The following CCNT1 variants were observed in gnomAD, a reference collection of about 807,000 sequenced individuals.
CCNT1 encodes the protein cyclin-T1.
CCNT1 carries 18 observed loss-of-function variants against 67.3 expected under a neutral mutation model. The observed-to-expected ratio is 0.27, with a 90% CI of 0.18 to 0.40. The LOEUF (loss-of-function observed/expected upper bound fraction) is 0.40, where lower values mean the gene tolerates loss of function less well. Among genes scored for constraint, CCNT1 ranks in the 10% least tolerant of loss-of-function variants. The pLI is 1.00. For synonymous variants in CCNT1, 333 were observed against 310.3 expected (o/e 1.07, Z -0.77); for missense variants, 744 against 884.9 (o/e 0.84, Z 2.02).
At position 48,716,625 on chromosome 12, in the gene CCNT1, T is replaced by C. The variant is rs1303918383; in HGVS notation, c.51A>G (p.Glu17=). 7 of 1,614,136 alleles carry C rather than the reference T, an allele frequency of 4.3e-6. No homozygotes were observed. Among genetic ancestry groups the C allele is most frequent in the Non-Finnish European group, 5.9e-6 (7 of 1,179,960 alleles). Residue 17 remains glutamate, a synonymous_variant, in exon 1 of 9, where the codon GAA becomes GAG. Coordinates refer to ENST00000261900, the MANE Select transcript of CCNT1 (RefSeq NM_001240.4). ...NNNKRWYFTR[E]QLENSPSRRF... ...GACGGGATGGGCTATTTTCCAGCTG[T>C]TCTCGAGTGAAATACCACCGTTTGT...
chr12:48,707,236 G>A (rs1168864920), intron 2 of CCNT1, among the ~76,000 whole-genome samples: 1 of 151,396 alleles, frequency 6.6e-6, no homozygotes, highest in Non-Finnish European at 1.5e-5. Context: ...ACTAAACTGA[G>A]TAGTTAAATA....
At chr12:48,702,682 G>A (rs1940290639) in intron 3 of CCNT1, among the ~76,000 whole-genome samples, 1 of 152,152 alleles carries the variant, frequency 6.6e-6, no homozygotes, top group African/African-American at 2.4e-5. Flanking sequence ...GTTCCATAGA[G>A]TGAATGCAGG....
chr12:48,700,298 G>A lies in CCNT1; in HGVS notation c.434-458C>T, dbSNP rs139235959. On this transcript the variant is annotated intron_variant, in intron 4 of 8. Coordinates refer to ENST00000261900, the MANE Select transcript of CCNT1 (RefSeq NM_001240.4). Reference sequence around the variant, plus strand: ...TGTGCCACTGCACTCCAGCCTGGGCGACAAAGCAAGACTCCGTCTCAAAAA... The same window carrying A: ...TGTGCCACTGCACTCCAGCCTGGGCAACAAAGCAAGACTCCGTCTCAAAAA... 4.9e-3 allele frequency among the ~76,000 whole-genome samples: 597 copies of A among 122,992 alleles called. 5 individuals carry two copies. The highest frequency in any genetic ancestry group is 6.9e-3 in the Middle Eastern group (1 of 144). 80.7% of individuals were successfully genotyped at this position (122,992 alleles called of 152,430 possible).
intron 3 of CCNT1, among the ~76,000 whole-genome samples, chr12:48,703,656 C>A (rs1434979227): frequency 6.6e-6 from 1 of 151,984 alleles, no homozygotes; most frequent in Non-Finnish European, 1.5e-5. Context: ...TATTTTTCAG[C>A]CAGGTGCAGT....
chr12:48,715,546 C>T (rs777436632), intron 1 of CCNT1, among the ~76,000 whole-genome samples: 2 of 151,932 alleles, frequency 1.3e-5, no homozygotes, highest in African/African-American at 4.8e-5. Flanking sequence ...CTGCAACCTC[C>T]GCCTCCCGGG....
intron 3 of CCNT1, among the ~76,000 whole-genome samples, chr12:48,704,447 G>A (rs759636815): frequency 1.3e-5 from 2 of 152,080 alleles, no homozygotes; most frequent in African/African-American, 2.4e-5. Flanking sequence ...CTCTTTATGA[G>A]AATCTAATGC....
intron 8 of CCNT1, among the ~76,000 whole-genome samples, chr12:48,695,537 G>A (rs941405646): frequency 1.3e-5 from 2 of 152,056 alleles, no homozygotes; most frequent in Admixed American, 6.6e-5. Flanking sequence ...CTGCTCAAAT[G>A]ATCATATCAC....
In CCNT1 at chr12:48,698,169, C is replaced by A; in HGVS notation, c.511G>T (p.Ala171Ser). ...GTTGCCATGAAGTAAGAAGTCTGTG[C>A]TAAGTCCTTGCTTGCTAAAGAAAAA... ...TQLVRASKDL[A>S]QTSYFMATNS... The change falls in exon 6 of 9, where the codon GCA becomes TCA. Residue 171 changes from alanine (A) to serine (S), a missense_variant. By Grantham distance (99) the Ala-to-Ser change is moderately conservative. Coordinates refer to ENST00000261900, the MANE Select transcript of CCNT1 (RefSeq NM_001240.4). 3 of 1,216,270 alleles carry A rather than the reference C, an allele frequency of 2.5e-6. No homozygotes were observed. The highest frequency in any genetic ancestry group is 1.8e-5 in the African/African-American group (1 of 56,888). 75.3% of individuals were successfully genotyped at this position (1,216,270 alleles called of 1,614,324 possible).
chr12:48,712,423 GA>G (rs542995111), intron 2 of CCNT1, among the ~76,000 whole-genome samples: 2,636 of 151,150 alleles, frequency 0.017, 88 homozygotes, highest in African/African-American at 0.061. Flanking sequence ...TTACAGGCAT[GA>G]AACTCCACGC....
chr12:48,704,383 T>C (rs553996744), intron 3 of CCNT1, among the ~76,000 whole-genome samples: 4 of 152,358 alleles, frequency 2.6e-5, no homozygotes, highest in Admixed American at 6.5e-5. Flanking sequence ...TAGATTCTTA[T>C]AGGAGCACTT....
chr12:48,708,354 C>G (rs1268098159), intron 2 of CCNT1, among the ~76,000 whole-genome samples: 3 of 152,064 alleles, frequency 2.0e-5, no homozygotes, highest in African/African-American at 7.2e-5. Flanking sequence ...CAAGAACAGC[C>G]TGGACAACGT....
In CCNT1 at chr12:48,695,839, A is replaced by G; in HGVS notation, c.707-10T>C. The G allele has an allele frequency of 6.2e-7, 1 of 1,601,336 alleles. No individual in the cohort carries two copies. On this transcript the variant is annotated splice_polypyrimidine_tract_variant and intron_variant, in intron 7 of 8. Transcript: ENST00000261900. ...AACTCATGTGTCAGTTCTACAAGTAAAACAGAACATTCAAGAAAGACTGAG... is the reference window on the plus strand; with the variant it reads ...AACTCATGTGTCAGTTCTACAAGTAGAACAGAACATTCAAGAAAGACTGAG...
In CCNT1 at chr12:48,693,018, C is replaced by A; in HGVS notation, c.*15G>T. ...TTTTTTAAAGAAGTTTTTTTCTCCT[C>A]TTCTTTTTCTTTTTTTACTTAGGAA... On this transcript the variant is annotated 3_prime_UTR_variant, in exon 9 of 9. Coordinates refer to ENST00000261900, the MANE Select transcript of CCNT1 (RefSeq NM_001240.4). The A allele has an allele frequency of 1.4e-6, 2 of 1,465,866 alleles. No individual in the cohort carries two copies. Among genetic ancestry groups the A allele is most frequent in the Non-Finnish European group, 9.2e-7 (1 of 1,091,274 alleles). The allele number at this position is 1,465,866 out of a possible 1,614,324, so 90.8% of individuals were successfully genotyped here. A position where few individuals can be genotyped will look rare whatever the true frequency, so the allele number is the denominator to read the frequency against.
chr12:48,711,294 C>T (rs1272426329), intron 2 of CCNT1, among the ~76,000 whole-genome samples: 6 of 150,552 alleles, frequency 4.0e-5, no homozygotes, highest in Non-Finnish European at 8.9e-5. Flanking sequence ...ACAGGAGAAT[C>T]GCTTGAACCT....
chr12:48,691,368 C>A lies in CCNT1; in HGVS notation c.*1665G>T, dbSNP rs1291080121. Reference sequence around the variant, plus strand: ...ATAATTCGACCTCTCCCTAAAAAATCCTTGGCATGAAGTAAGCTGCAATCA... The same window carrying A: ...ATAATTCGACCTCTCCCTAAAAAATACTTGGCATGAAGTAAGCTGCAATCA... On this transcript the variant is annotated 3_prime_UTR_variant, in exon 9 of 9. Coordinates refer to ENST00000261900, the MANE Select transcript of CCNT1 (RefSeq NM_001240.4). 2 of 152,122 alleles carry A rather than the reference C, an allele frequency of 1.3e-5. No homozygotes were observed. The highest frequency in any genetic ancestry group is 4.8e-5 in the African/African-American group (2 of 41,426). 9.4% of individuals were successfully genotyped at this position (152,122 alleles called of 1,614,324 possible). A position where few individuals can be genotyped will look rare whatever the true frequency, so the allele number is the denominator to read the frequency against.
chr12:48,712,611 AAAAAAAAGC>A (rs1940471933), intron 2 of CCNT1, among the ~76,000 whole-genome samples: 1 of 123,950 alleles, frequency 8.1e-6, no homozygotes, highest in South Asian at 3.0e-4. Context: ...AAAAAAAAAA[AAAAAAAAGC>A]AGGGAAATAC....
intron 2 of CCNT1, among the ~76,000 whole-genome samples, chr12:48,711,700 GCAAT>G (rs1427454194): frequency 6.6e-6 from 1 of 151,012 alleles, no homozygotes; most frequent in Non-Finnish European, 1.5e-5. Flanking sequence ...TATACTCCTT[GCAAT>G]CAGAGCCAGA....
intron 3 of CCNT1, 21 bp downstream of exon 3, chr12:48,705,747 G>C (rs933071388): frequency 1.8e-5 from 28 of 1,591,054 alleles, no homozygotes; most frequent in Non-Finnish European, 2.1e-5. Flanking sequence ...AAGAAAAACA[G>C]ATGTGTAATT....
At chr12:48,702,132 G>T (rs1019950791) in intron 3 of CCNT1, among the ~76,000 whole-genome samples, 18 of 151,970 alleles carry the variant, frequency 1.2e-4, no homozygotes, top group Non-Finnish European at 2.1e-4. Context: ...CCTGACCTCA[G>T]GTGATCCACC....
Sources: allele counts gnomAD v4.1 joint callset (sites outside exome capture counted in the v4.1 genomes callset), GRCh38; gene constraint gnomAD v4.1.1; transcripts MANE v1.5; gene names NCBI Gene and HGNC (gene_info 2026-07-23, HGNC 2026-07-21).